ERG: variants seen among roughly 807,000 people sequenced by gnomAD.
ERG encodes transcriptional regulator ERG.
A neutral mutation model predicts 55.3 loss-of-function variants in ERG; 9 were observed. The observed-to-expected ratio is 0.16, with a 90% CI of 0.10 to 0.28. ERG has a LOEUF of 0.28. Ranked by LOEUF, ERG falls within the 10% of genes least tolerant of loss-of-function variation. The pLI is 1.00. For missense variants in ERG, 434 were observed against 631.6 expected (o/e 0.69, Z 3.35); for synonymous variants, 223 against 237.3 (o/e 0.94, Z 0.55).
At chr21:38,607,042 A>T (rs1432924779) in intron 1 of ERG, among the ~76,000 whole-genome samples, 1 of 152,232 alleles carries the variant, frequency 6.6e-6, no homozygotes, top group Non-Finnish European at 1.5e-5. Context: ...AAGTGACCAG[A>T]GAATAGAATA....
At chr21:38,524,418 T>A (rs1351735431) in intron 2 of ERG, among the ~76,000 whole-genome samples, 1 of 152,208 alleles carries the variant, frequency 6.6e-6, no homozygotes, top group Admixed American at 6.5e-5. Flanking sequence ...TTCCTATATG[T>A]GACTCTTTTC....
In ERG at chr21:38,576,720, G is replaced by T. The variant is rs370810037; in HGVS notation, c.-126-973C>A. On this transcript the variant is annotated intron_variant, in intron 1 of 8. Coordinates refer to the ERG transcript ENST00000398897. ...AGGGTGCCTTGCCTCCTGGCCACCT[G>T]TCAGGGTTGGTTGACGTGGCCCCCT... 4.6e-5 allele frequency among the ~76,000 whole-genome samples: 7 copies of T among 152,108 alleles called. 1 individual carries two copies. The East Asian group carries it at 1.2e-3, about 25-fold the overall frequency.
intron 2 of ERG, among the ~76,000 whole-genome samples, chr21:38,512,298 A>C (rs1242169382): frequency 6.6e-6 from 1 of 152,250 alleles, no homozygotes; most frequent in African/African-American, 2.4e-5. Context: ...CAACAATGAA[A>C]AAATGTAATA....
chr21:38,654,499 CT>C (rs932888768), intron 1 of ERG, among the ~76,000 whole-genome samples: 4 of 152,182 alleles, frequency 2.6e-5, no homozygotes, highest in Non-Finnish European at 5.9e-5. Context: ...AAATAAAATC[CT>C]TTTACTTTGA....
chr21:38,634,391 C>A (rs933172562), intron 1 of ERG, among the ~76,000 whole-genome samples: 1 of 152,088 alleles, frequency 6.6e-6, no homozygotes, highest in Non-Finnish European at 1.5e-5. Context: ...CTGTGCATAA[C>A]GGGAATGGCT....
chr21:38,503,885 G>C (rs1161274487), intron 2 of ERG, among the ~76,000 whole-genome samples: 1 of 152,122 alleles, frequency 6.6e-6, no homozygotes, highest in Non-Finnish European at 1.5e-5. Flanking sequence ...GCGGCATGAA[G>C]ACACTCTCAG....
At chr21:38,561,838 C>A (rs984075106) in intron 2 of ERG, among the ~76,000 whole-genome samples, 2 of 152,124 alleles carry the variant, frequency 1.3e-5, no homozygotes, top group Non-Finnish European at 2.9e-5. Flanking sequence ...ACAAGACTTT[C>A]CAGAAAATCT....
chr21:38,591,500 T>C (rs146104480), intron 1 of ERG, among the ~76,000 whole-genome samples: 3,386 of 152,234 alleles, frequency 0.022, 78 homozygotes, highest in East Asian at 0.093. Context: ...AAGACCAGCC[T>C]GGCCAACATG....
downstream of ERG, among the ~76,000 whole-genome samples, chr21:38,376,618 C>CATTT (rs935156809): frequency 7.9e-5 from 12 of 152,262 alleles, no homozygotes; most frequent in African/African-American, 2.7e-4. Flanking sequence ...AAGGAACAGC[C>CATTT]ATTTATTCTC....
chr21:38,511,352 A>T (rs1040991011), intron 2 of ERG, among the ~76,000 whole-genome samples: 2 of 152,230 alleles, frequency 1.3e-5, no homozygotes, highest in African/African-American at 4.8e-5. Context: ...AGCAGGCACA[A>T]AGTGGAATGC....
chr21:38,500,740 G>T (rs2033769356), upstream of ERG, among the ~76,000 whole-genome samples: 1 of 152,032 alleles, frequency 6.6e-6, no homozygotes, highest in South Asian at 2.1e-4. Flanking sequence ...CTAAAAAAGA[G>T]AAAAACAGAT....
At chr21:38,572,414 C>T (rs1366686703) in intron 2 of ERG, among the ~76,000 whole-genome samples, 4 of 150,562 alleles carry the variant, frequency 2.7e-5, no homozygotes, top group South Asian at 2.1e-4. Flanking sequence ...ATCATAGCAG[C>T]GTTCCTCAGC....
Position 38,497,781 on chromosome 21 carries a change from A to G in ERG, c.18+582T>C, listed in dbSNP as rs1010054436. On this transcript the variant is annotated intron_variant, in intron 1 of 9. Transcript: ENST00000288319. The stretch of plus-strand genomic sequence containing the variant: ...GGTATTTTATTGAAGATAAACATAT[A>G]GTGGAACAAACCAAATTACCCCCAT... 2.6e-5 allele frequency among the ~76,000 whole-genome samples: 4 copies of G among 152,216 alleles called. No homozygotes were observed. The South Asian group carries it at 8.3e-4, about 32-fold the overall frequency.
intron 1 of ERG, among the ~76,000 whole-genome samples, chr21:38,456,541 T>C (rs993597216): frequency 2.0e-5 from 3 of 152,244 alleles, no homozygotes; most frequent in Admixed American, 2.0e-4. Flanking sequence ...TGAATAAGTC[T>C]CCACTATTCA....
In ERG at chr21:38,530,710, G is replaced by A. The variant is rs138503828; in HGVS notation, c.-41+44952C>T. On this transcript the variant is annotated intron_variant, in intron 2 of 8. Coordinates refer to the ERG transcript ENST00000398897. ...GAAGGCTCACTTACTATCAAGATGA[G>A]CAAGTTTGTGCTACATAGTGAATTT... Among the ~76,000 whole-genome samples, 17 of 152,250 alleles carry A rather than the reference G, an allele frequency of 1.1e-4. No homozygotes were observed. The East Asian group carries it at 3.3e-3, about 29-fold the overall frequency.
intron 1 of ERG, among the ~76,000 whole-genome samples, chr21:38,493,980 G>A (rs536505841): frequency 1.1e-4 from 16 of 152,288 alleles, no homozygotes; most frequent in East Asian, 5.8e-4. Context: ...GGTTACATCC[G>A]CGGGGGGGCG....
intron 2 of ERG, among the ~76,000 whole-genome samples, chr21:38,571,291 T>C (rs897612386): frequency 2.0e-5 from 3 of 152,006 alleles, no homozygotes; most frequent in African/African-American, 7.3e-5. Flanking sequence ...GTGGGAGGAT[T>C]GCTTGAGCCC....
intron 3 of ERG, among the ~76,000 whole-genome samples, chr21:38,415,785 C>T (rs1473507702): frequency 6.6e-6 from 1 of 151,986 alleles, no homozygotes; most frequent in East Asian, 1.9e-4. Flanking sequence ...ATCCTGCAAC[C>T]CCTGCGAGTC....
chr21:38,489,585 T>G (rs995149548), intron 1 of ERG, among the ~76,000 whole-genome samples: 1 of 152,258 alleles, frequency 6.6e-6, no homozygotes, highest in Admixed American at 6.5e-5. Flanking sequence ...TTGGACAATA[T>G]TCTTATTTTT....
Sources: gnomAD v4.1 joint callset for allele counts (sites outside exome capture counted in the v4.1 genomes callset) on GRCh38, gnomAD v4.1.1 for gene constraint, MANE v1.5 for transcripts, NCBI Gene and HGNC (gene_info 2026-07-23, HGNC 2026-07-21) for gene names.